PARPBP: variants seen among roughly 807,000 people sequenced by gnomAD.
PARPBP encodes the protein PARP1 binding protein, also known as PCNA-interacting partner.
Under a neutral mutation model 50.0 loss-of-function variants are expected in PARPBP, and 52 were observed. The observed-to-expected ratio is 1.04, with a 90% CI of 0.83 to 1.31. The LOEUF (loss-of-function observed/expected upper bound fraction) is 1.31, where lower values mean the gene tolerates loss of function less well. Among genes scored for constraint, PARPBP ranks in the 50% most tolerant of loss-of-function variants. PARPBP has a pLI of 0.00. For missense variants in PARPBP, 697 were observed against 672.0 expected (o/e 1.04, Z -0.41); for synonymous variants, 244 against 232.1 (o/e 1.05, Z -0.47).
chr12:102,126,946 C>G (rs2137156801), intron 2 of PARPBP, among the ~76,000 whole-genome samples: 1 of 152,120 alleles, frequency 6.6e-6, no homozygotes, highest in South Asian at 2.1e-4. Context: ...CTGCCATATT[C>G]TATTTATTGG....
At chr12:102,193,191 C>G (rs1455116907) in intron 9 of PARPBP, among the ~76,000 whole-genome samples, 3 of 151,718 alleles carry the variant, frequency 2.0e-5, no homozygotes, top group Non-Finnish European at 4.4e-5. Flanking sequence ...TATTTTGTGA[C>G]TATTTGCATA....
At chr12:102,134,271 A>G (rs1327772027) in intron 2 of PARPBP, among the ~76,000 whole-genome samples, 1 of 151,710 alleles carries the variant, frequency 6.6e-6, no homozygotes, top group Non-Finnish European at 1.5e-5. Flanking sequence ...AAAAGGATAC[A>G]TTATAACTAA....
chr12:102,196,034 G>A lies in PARPBP; in HGVS notation c.1483G>A (p.Val495Ile), dbSNP rs770919147. ...VHLDRSKNEK[V>I]SRKSTSQTGN... is the part of the protein sequence containing the mutation. ...TCTGGACAGAAGTAAAAATGAAAAA[G>A]TATCAAGAAAATCAACCAGTCAGAC... Residue 495 changes from valine to isoleucine, a missense_variant, in exon 11 of 11, where the codon GTA (valine) becomes ATA (isoleucine). Val to Ile is a conservative substitution (Grantham distance 29, BLOSUM62 3). Coordinates refer to ENST00000327680, the MANE Select transcript of PARPBP (RefSeq NM_017915.5). The A allele has an allele frequency of 4.3e-6, 7 of 1,611,174 alleles. No individual in the cohort carries two copies. The highest frequency in any genetic ancestry group is 2.5e-6 in the Non-Finnish European group (3 of 1,178,354).
intron 2 of PARPBP, among the ~76,000 whole-genome samples, chr12:102,146,644 G>C (rs1371459057): frequency 6.6e-6 from 1 of 152,068 alleles, no homozygotes. Flanking sequence ...TACCATTCAG[G>C]ACATAGGCAT....
chr12:102,194,701 A>T (rs991758860), intron 9 of PARPBP, among the ~76,000 whole-genome samples: 2 of 151,900 alleles, frequency 1.3e-5, no homozygotes, highest in Non-Finnish European at 2.9e-5. Flanking sequence ...CACTTGGTCA[A>T]ATCTTTCTAG....
intron 9 of PARPBP, among the ~76,000 whole-genome samples, chr12:102,186,877 A>G (rs1890349806): frequency 1.3e-5 from 2 of 152,166 alleles, no homozygotes; most frequent in Non-Finnish European, 2.9e-5. Context: ...AGTGAAAGTC[A>G]GGACTTGGTA....
At chr12:102,121,105 G>A (rs1036144946) in intron 1 of PARPBP, among the ~76,000 whole-genome samples, 1 of 152,158 alleles carries the variant, frequency 6.6e-6, no homozygotes, top group South Asian at 2.1e-4. Context: ...TGGAAGGCAA[G>A]TATTTCTGTG....
In PARPBP at chr12:102,151,636, C is replaced by T. The variant is rs1886219949; in HGVS notation, c.388-2233C>T. On this transcript the variant is annotated intron_variant, in intron 3 of 10. Transcript: ENST00000327680. The stretch of plus-strand genomic sequence containing the variant: ...GCTGTCTAGGCCAGATCTCTTGGCT[C>T]CTGGGGAAGATCCACCAGTGTCAGC... 8.5e-6 allele frequency: 13 copies of T among 1,535,508 alleles called. No individual in the cohort carries two copies. The South Asian group carries it at 1.5e-4, about 18-fold the overall frequency.
chr12:102,141,006 G>C lies in PARPBP; in HGVS notation c.154-7224G>C, dbSNP rs529428134. ...TGTAGATGTCTATTAGGTCCGCTTG[G>C]TGCAGAGCTGAGTTGAATTCCTGGA... is the stretch of plus-strand genomic sequence containing the variant. On this transcript the variant is annotated intron_variant, in intron 2 of 10. Transcript: ENST00000327680. 3.0e-4 allele frequency among the ~76,000 whole-genome samples: 45 copies of C among 152,316 alleles called. No individual in the cohort carries two copies. In the South Asian group the frequency reaches 3.5e-3, roughly 12 times the overall value.
chr12:102,147,974 G>T (rs1001149165), intron 2 of PARPBP, among the ~76,000 whole-genome samples: 1 of 152,022 alleles, frequency 6.6e-6, no homozygotes, highest in Non-Finnish European at 1.5e-5. Flanking sequence ...TGTAACAGCG[G>T]CTATGTATTT....
intron 6 of PARPBP, among the ~76,000 whole-genome samples, chr12:102,168,162 GT>G (rs989974126): frequency 1.3e-5 from 2 of 151,880 alleles, no homozygotes; most frequent in Admixed American, 6.6e-5. Context: ...AAACTTTTTT[GT>G]TTTTTGCTTT....
intron 2 of PARPBP, among the ~76,000 whole-genome samples, chr12:102,130,860 A>G (rs574343316): frequency 2.0e-5 from 3 of 152,034 alleles, no homozygotes; most frequent in Admixed American, 6.5e-5. Flanking sequence ...CATCTCAGAA[A>G]AAAAAAAACC....
At chr12:102,124,269 A>T (rs1881610977) in intron 2 of PARPBP, among the ~76,000 whole-genome samples, 1 of 152,346 alleles carries the variant, frequency 6.6e-6, no homozygotes, top group South Asian at 2.1e-4. Flanking sequence ...TACACGGGAC[A>T]TGCATATTTG....
At chr12:102,179,257 A>G (rs188951325) in intron 8 of PARPBP, among the ~76,000 whole-genome samples, 1 of 152,280 alleles carries the variant, frequency 6.6e-6, no homozygotes, top group East Asian at 1.9e-4. Flanking sequence ...TATTCTGCCT[A>G]GAATAAGAGA....
chr12:102,166,704 G>A (rs1277489823), intron 6 of PARPBP, among the ~76,000 whole-genome samples: 1 of 152,132 alleles, frequency 6.6e-6, no homozygotes, highest in South Asian at 2.1e-4. Context: ...TCTGAACACA[G>A]TCAGTACTGT....
At chr12:102,135,205 AGT>A (rs1883438125) in intron 2 of PARPBP, among the ~76,000 whole-genome samples, 1 of 152,126 alleles carries the variant, frequency 6.6e-6, no homozygotes, top group African/African-American at 2.4e-5. Context: ...CCAAAAGACA[AGT>A]TAGAGTTGAA....
chr12:102,184,378 ATC>A (rs1890126036), intron 9 of PARPBP, among the ~76,000 whole-genome samples: 1 of 152,164 alleles, frequency 6.6e-6, no homozygotes, highest in South Asian at 2.1e-4. Context: ...AAATGAAAAA[ATC>A]TATCTGAGAA....
chr12:102,160,433 T>G (rs927636135), intron 4 of PARPBP, among the ~76,000 whole-genome samples: 10 of 152,216 alleles, frequency 6.6e-5, no homozygotes, highest in African/African-American at 2.2e-4. Flanking sequence ...AGAGATTGCA[T>G]TAAGTTAAAT....
intron 6 of PARPBP, among the ~76,000 whole-genome samples, chr12:102,174,023 T>C (rs1018195107): frequency 3.3e-5 from 5 of 151,612 alleles, no homozygotes; most frequent in Non-Finnish European, 7.4e-5. Context: ...AAACTTTAGA[T>C]TGTTGCATGT....
Sources: allele counts gnomAD v4.1 joint callset (sites outside exome capture counted in the v4.1 genomes callset), GRCh38; gene constraint gnomAD v4.1.1; transcripts MANE v1.5; gene names NCBI Gene and HGNC (gene_info 2026-07-23, HGNC 2026-07-21).